MGAT4C: variants seen among roughly 807,000 people sequenced by gnomAD.
MGAT4C encodes the protein MGAT4 family member C.
In MGAT4C, 19 loss-of-function variants were observed where a neutral mutation model predicts 40.1. The ratio of observed to expected loss-of-function variants is 0.47; its 90% confidence interval spans 0.33 to 0.70. MGAT4C has a LOEUF of 0.70. Among genes scored for constraint, MGAT4C ranks in the 30% least tolerant of loss-of-function variants. MGAT4C has a pLI of 0.02. For missense variants in MGAT4C, 491 were observed against 563.2 expected (o/e 0.87, Z 1.30); for synonymous variants, 181 against 187.1 (o/e 0.97, Z 0.27).
At chr12:86,541,880 A>T (rs879574265) in intron 2 of MGAT4C, among the ~76,000 whole-genome samples, 1 of 152,138 alleles carries the variant, frequency 6.6e-6, no homozygotes, top group Non-Finnish European at 1.5e-5. Context: ...CTATTTCTGT[A>T]CTCACTTCTG....
chr12:86,019,438 T>C lies in MGAT4C; in HGVS notation c.-6-29886A>G, dbSNP rs150206347. On this transcript the variant is annotated intron_variant, in intron 2 of 4. Transcript: ENST00000611864. ...TTGTAAATATATCTCTGATGTTGTA[T>C]GCATCCTAGTCTACACAGAGTTTAT... 3.0e-3 allele frequency among the ~76,000 whole-genome samples: 457 copies of C among 152,176 alleles called. 1 individual carries two copies. Among genetic ancestry groups the C allele is most frequent in the African/African-American group, 0.011 (436 of 41,520 alleles).
intron 1 of MGAT4C, among the ~76,000 whole-genome samples, chr12:86,188,856 A>G (rs1174887579): frequency 1.3e-5 from 2 of 152,064 alleles, no homozygotes; most frequent in Middle Eastern, 3.4e-3. Context: ...ATAACCTATG[A>G]TAAGTTATTG....
intron 2 of MGAT4C, among the ~76,000 whole-genome samples, chr12:86,669,751 C>T (rs914837560): frequency 5.3e-5 from 8 of 152,202 alleles, no homozygotes; most frequent in Non-Finnish European, 1.2e-4. Context: ...GACCACTTTG[C>T]ACTCCACAGA....
chr12:86,325,017 G>T (rs1954492517), intron 4 of MGAT4C, among the ~76,000 whole-genome samples: 1 of 151,850 alleles, frequency 6.6e-6, no homozygotes, highest in Non-Finnish European at 1.5e-5. Context: ...TCAATTTTTT[G>T]ACCTATTGTA....
chr12:86,357,739 A>G (rs1410698938), intron 3 of MGAT4C, among the ~76,000 whole-genome samples: 1 of 152,202 alleles, frequency 6.6e-6, no homozygotes, highest in Non-Finnish European at 1.5e-5. Context: ...GTGATTGAAG[A>G]TCAAATGAAT....
chr12:86,413,671 A>G (rs1335163479), intron 3 of MGAT4C, among the ~76,000 whole-genome samples: 2 of 152,182 alleles, frequency 1.3e-5, no homozygotes, highest in East Asian at 1.9e-4. Context: ...GATTTGTTAG[A>G]GTAATTTTTC....
chr12:86,663,286 G>A (rs780760286), intron 2 of MGAT4C, among the ~76,000 whole-genome samples: 21 of 146,494 alleles, frequency 1.4e-4, no homozygotes, highest in Non-Finnish European at 3.0e-4. Context: ...CCTGAGCCCT[G>A]GAGTTACAGG....
intron 2 of MGAT4C, among the ~76,000 whole-genome samples, chr12:86,040,272 C>G (rs1891669708): frequency 6.6e-6 from 1 of 152,228 alleles, no homozygotes; most frequent in African/African-American, 2.4e-5. Context: ...GCTGGGAGAT[C>G]TGCTGCTCTC....
At chr12:86,788,351 C>A (rs1166361725) in intron 1 of MGAT4C, among the ~76,000 whole-genome samples, 3 of 149,700 alleles carry the variant, frequency 2.0e-5, no homozygotes, top group Non-Finnish European at 3.0e-5. Context: ...TATCCCTTGA[C>A]ACTGCAAATC....
chr12:86,132,156 G>C (rs1881279290), intron 1 of MGAT4C, among the ~76,000 whole-genome samples: 1 of 152,132 alleles, frequency 6.6e-6, no homozygotes, highest in Non-Finnish European at 1.5e-5. Context: ...TCTTTGTCTT[G>C]AAATTAACAT....
intron 1 of MGAT4C, among the ~76,000 whole-genome samples, chr12:86,254,645 C>G (rs1159571112): frequency 6.6e-6 from 1 of 151,976 alleles, no homozygotes; most frequent in Non-Finnish European, 1.5e-5. Context: ...GTGACTCATG[C>G]TTTCAAGCTC....
At chr12:86,134,743 TTTTATGTCA>T (rs1460779627) in intron 1 of MGAT4C, among the ~76,000 whole-genome samples, 2 of 152,150 alleles carry the variant, frequency 1.3e-5, no homozygotes, top group Non-Finnish European at 2.9e-5. Flanking sequence ...ACTGCTAAGC[TTTTATGTCA>T]TTATTCATGA....
intron 1 of MGAT4C, among the ~76,000 whole-genome samples, chr12:86,155,015 ATAATT>A (rs1454569009): frequency 1.3e-5 from 2 of 152,208 alleles, no homozygotes; most frequent in Non-Finnish European, 2.9e-5. Context: ...TGAGAGAGTG[ATAATT>A]TAAATTAAGT....
intron 1 of MGAT4C, among the ~76,000 whole-genome samples, chr12:86,818,719 A>G (rs1952649751): frequency 6.6e-6 from 1 of 151,222 alleles, no homozygotes; most frequent in South Asian, 2.1e-4. Context: ...TTTTAAGAGC[A>G]AGGACAATTG....
chr12:86,448,757 T>A (rs1957379193), intron 2 of MGAT4C, among the ~76,000 whole-genome samples: 1 of 152,140 alleles, frequency 6.6e-6, no homozygotes, highest in Non-Finnish European at 1.5e-5. Context: ...AACTCAACTT[T>A]ATGTGTGTTT....
Position 86,377,716 on chromosome 12 carries a change from C to T in MGAT4C, c.-119-43589G>A, listed in dbSNP as rs189287625. 2.1e-3 allele frequency among the ~76,000 whole-genome samples: 323 copies of T among 152,142 alleles called. 1 individual carries two copies. The highest frequency in any genetic ancestry group is 0.017 in the Middle Eastern group (5 of 294). ...GTACAATATAAAAACATAAAATTTGCCATCTTAACAGTTTTTAAGTATGCA... is the reference window on the plus strand; with the variant it reads ...GTACAATATAAAAACATAAAATTTGTCATCTTAACAGTTTTTAAGTATGCA... On this transcript the variant is annotated intron_variant, in intron 3 of 7. Transcript: ENST00000548651.
At chr12:86,010,908 A>T (rs1199254450) in intron 2 of MGAT4C, among the ~76,000 whole-genome samples, 1 of 151,280 alleles carries the variant, frequency 6.6e-6, no homozygotes, top group African/African-American at 2.4e-5. Flanking sequence ...AGTTAGCTTG[A>T]CTCTCTTGTG....
chr12:86,565,664 T>A (rs886929716), intron 2 of MGAT4C, among the ~76,000 whole-genome samples: 1 of 152,090 alleles, frequency 6.6e-6, no homozygotes, highest in Non-Finnish European at 1.5e-5. Context: ...TGGTGACAAA[T>A]AAATTTGGGG....
chr12:86,459,101 C>T (rs1008609885), intron 2 of MGAT4C, among the ~76,000 whole-genome samples: 1 of 151,990 alleles, frequency 6.6e-6, no homozygotes, highest in Non-Finnish European at 1.5e-5. Flanking sequence ...AGTAATAGAA[C>T]ATGTATATTA....
Sources: gnomAD v4.1 joint callset for allele counts (sites outside exome capture counted in the v4.1 genomes callset) on GRCh38, gnomAD v4.1.1 for gene constraint, MANE v1.5 for transcripts, NCBI Gene and HGNC (gene_info 2026-07-23, HGNC 2026-07-21) for gene names.